The following ATRN variants were observed in gnomAD, a reference collection of about 807,000 sequenced individuals.
The protein encoded by ATRN is attractin.
Under a neutral mutation model 178.7 loss-of-function variants are expected in ATRN, and 54 were observed. That is an observed-to-expected ratio of 0.30 (90% confidence interval 0.24 to 0.38). The LOEUF (loss-of-function observed/expected upper bound fraction) is 0.38, where lower values mean the gene tolerates loss of function less well. Among genes scored for constraint, ATRN ranks in the 10% least tolerant of loss-of-function variants. The probability of loss-of-function intolerance (pLI) is 1.00; values close to 1 mark genes in which losing one functional copy is unlikely to be tolerated. For synonymous variants in ATRN, 636 were observed against 663.0 expected, an observed-to-expected ratio of 0.96 and a Z score of 0.63; for missense variants, 1,443 against 1,815.1, an observed-to-expected ratio of 0.79 and a Z score of 3.73.
At chr20:3,490,303 A>G in intron 1 of ATRN, 1 of 1,064,696 alleles carries the variant, frequency 9.4e-7, no homozygotes, top group Non-Finnish European at 1.5e-6. Context: ...GGGCTCCAGC[A>G]TGGGTCAGAG....
chr20:3,649,257 TG>T lies in ATRN; in HGVS notation c.*2411del, dbSNP rs1409153160. ...CAGTGTTGCGCGTCACAAGAGAGCC[TG>T]TATATAAATTAAAATAGTCAAGACA... On this transcript the variant is annotated 3_prime_UTR_variant, in exon 29 of 29. Coordinates refer to ENST00000262919, the MANE Select transcript of ATRN (RefSeq NM_139321.3). 6.6e-6 allele frequency: 1 copy of T among 152,622 alleles called. No homozygotes were observed. The highest frequency in any genetic ancestry group is 1.5e-5 in the Non-Finnish European group (1 of 68,056). 9.5% of individuals were successfully genotyped at this position (152,622 alleles called of 1,614,324 possible).
intron 1 of ATRN, among the ~76,000 whole-genome samples, chr20:3,500,027 A>G: frequency 6.6e-6 from 1 of 152,228 alleles, no homozygotes; most frequent in Admixed American, 6.5e-5. Context: ...GGCGAAGGAC[A>G]TGAACAGACA....
intron 3 of ATRN, among the ~76,000 whole-genome samples, 188 bp downstream of exon 3, chr20:3,540,523 G>A (rs1001310094): frequency 6.6e-6 from 1 of 152,198 alleles, no homozygotes; most frequent in African/African-American, 2.4e-5. Flanking sequence ...CCCTGGGTAA[G>A]TTTCTAGGCA....
chr20:3,639,197 G>GT (rs1394326196), intron 27 of ATRN, among the ~76,000 whole-genome samples: 1 of 152,112 alleles, frequency 6.6e-6, no homozygotes, highest in African/African-American at 2.4e-5. Flanking sequence ...TAAGTATTCT[G>GT]TGGCATACAA....
chr20:3,537,838 A>G (rs1404639716), intron 2 of ATRN, among the ~76,000 whole-genome samples: 1 of 151,808 alleles, frequency 6.6e-6, no homozygotes. Context: ...AAAGGACATG[A>G]ACTCATCCTT....
chr20:3,548,490 A>G (rs1165453909), intron 5 of ATRN, among the ~76,000 whole-genome samples: 3 of 151,872 alleles, frequency 2.0e-5, no homozygotes, highest in Admixed American at 6.6e-5. Context: ...AATCCCAGCT[A>G]CTTGGGAGGC....
rs947267850 is a variant in ATRN, at chr20:3,591,903, G to C, written c.3322+597G>C. On this transcript the variant is annotated intron_variant, in intron 19 of 28. Transcript: ENST00000262919. ...GCTCCAGGGCTAGGAATGTGAACAT[G>C]TGAAGGAGCGTGACCCGTGAGGTAG... Among the ~76,000 whole-genome samples the C allele has an allele frequency of 5.9e-5, 9 of 152,318 alleles. No homozygotes were observed. In the East Asian group the frequency reaches 1.7e-3, roughly 29 times the overall value.
At chr20:3,516,353 C>T (rs1472395986) in intron 1 of ATRN, among the ~76,000 whole-genome samples, 1 of 151,996 alleles carries the variant, frequency 6.6e-6, no homozygotes, top group Non-Finnish European at 1.5e-5. Flanking sequence ...TGGGCTTCTC[C>T]AGGTTTAGAG....
chr20:3,500,860 T>A (rs971179612), intron 1 of ATRN, among the ~76,000 whole-genome samples: 13 of 151,860 alleles, frequency 8.6e-5, no homozygotes, highest in African/African-American at 1.5e-4. Flanking sequence ...TAAAAAAATT[T>A]AAAAAAATAA....
chr20:3,634,141 T>C (rs1402110391), intron 25 of ATRN, among the ~76,000 whole-genome samples, 170 bp from the exon 26 acceptor site: 1 of 152,214 alleles, frequency 6.6e-6, no homozygotes, highest in Non-Finnish European at 1.5e-5. Flanking sequence ...CTTACCGAAG[T>C]TGTCTCACTC....
At chr20:3,527,348 G>T (rs2085380273) in intron 1 of ATRN, among the ~76,000 whole-genome samples, 1 of 152,198 alleles carries the variant, frequency 6.6e-6, no homozygotes, top group Admixed American at 6.5e-5. Flanking sequence ...GGTCATTAGA[G>T]AAATGCAAGT....
At position 3,549,170 on chromosome 20, in the gene ATRN, G is replaced by C. The variant is rs1261278965; in HGVS notation, c.944G>C (p.Gly315Ala). The C allele has an allele frequency of 6.3e-6, 10 of 1,597,720 alleles. No individual in the cohort carries two copies. Among genetic ancestry groups the C allele is most frequent in the Non-Finnish European group, 7.7e-6 (9 of 1,174,350 alleles). The change falls in exon 6 of 29, where the codon GGT becomes GCT. Residue 315 changes from glycine to alanine, a missense_variant and splice_region_variant. By Grantham distance (60) the Gly-to-Ala change is moderately conservative (BLOSUM62 0). This residue lies in a region of ATRN where 862 missense variants were observed against 972.1 expected (regional missense o/e 0.89). Coordinates refer to ENST00000262919, the MANE Select transcript of ATRN (RefSeq NM_139321.3). ...AGCTAATTCATTATGTTTTTATTAG[G>C]TCCTGGATGTTCAGTTCCTGTACCA... ...RGCSCFSDWQ[G>A]PGCSVPVPAN... is the part of the protein sequence containing the mutation.
chr20:3,560,152 C>T (rs1196207261), intron 7 of ATRN, among the ~76,000 whole-genome samples: 1 of 151,980 alleles, frequency 6.6e-6, no homozygotes. Flanking sequence ...TCATTCTCCC[C>T]CACCAGCCTG....
At position 3,559,495 on chromosome 20, in the gene ATRN, C is replaced by G. The variant is rs374101519; in HGVS notation, c.1203+12C>G. 9.2e-5 allele frequency: 147 copies of G among 1,594,604 alleles called. No homozygotes were observed. The highest frequency in any genetic ancestry group is 8.6e-5 in the Non-Finnish European group (100 of 1,162,552). The stretch of plus-strand genomic sequence containing the variant: ...TGGCATTATACAAGGTAAAGCATCT[C>G]CACTCTGTGCTAAGCAAGAAACTAA... On this transcript the variant is annotated intron_variant, in intron 7 of 28. Coordinates refer to ENST00000262919, the MANE Select transcript of ATRN (RefSeq NM_139321.3).
At chr20:3,489,461 G>C (rs888780882) in intron 1 of ATRN, 3 of 900,584 alleles carry the variant, frequency 3.3e-6, no homozygotes, top group Non-Finnish European at 5.6e-6. Context: ...ATTTGGTTGG[G>C]AGAAATAGAA....
chr20:3,535,702 G>A (rs939079054), intron 2 of ATRN, among the ~76,000 whole-genome samples: 2 of 151,770 alleles, frequency 1.3e-5, no homozygotes, highest in African/African-American at 4.8e-5. Context: ...CGTGATCTCC[G>A]CTCACTGCAA....
At chr20:3,617,989 C>T (rs182237679) in intron 24 of ATRN, among the ~76,000 whole-genome samples, 17 of 152,322 alleles carry the variant, frequency 1.1e-4, no homozygotes, top group Admixed American at 2.6e-4. Flanking sequence ...TTCACCCCGA[C>T]GCACAGGTGC....
chr20:3,640,568 A>G (rs2087059968), intron 27 of ATRN, among the ~76,000 whole-genome samples: 1 of 152,250 alleles, frequency 6.6e-6, no homozygotes, highest in South Asian at 2.1e-4. Flanking sequence ...CTCATAATGA[A>G]ATTGTATAAC....
At chr20:3,629,794 C>T (rs2086975849) in intron 25 of ATRN, among the ~76,000 whole-genome samples, 1 of 152,178 alleles carries the variant, frequency 6.6e-6, no homozygotes, top group South Asian at 2.1e-4. Context: ...CAGGGTACAA[C>T]TCAGGAACCG....
Sources: gnomAD v4.1 joint callset for allele counts (sites outside exome capture counted in the v4.1 genomes callset) on GRCh38, gnomAD v4.1.1 for gene constraint, gnomAD v4.1.1 regional missense constraint, MANE v1.5 for transcripts, NCBI Gene and HGNC (gene_info 2026-07-23, HGNC 2026-07-21) for gene names.